Variants in HID1 observed in about 807,000 individuals in gnomAD.
The protein encoded by HID1 is HID1 domain containing.
HID1 carries 42 observed loss-of-function variants against 89.7 expected under a neutral mutation model. The ratio of observed to expected loss-of-function variants is 0.47; its 90% CI spans 0.37 to 0.61. HID1 has a LOEUF of 0.61. Among genes scored for constraint, HID1 ranks in the 20% least tolerant of loss-of-function variants. The pLI, the probability that HID1 is intolerant of heterozygous loss-of-function variation, is 0.00. For synonymous variants in HID1, 442 were observed against 433.8 expected (o/e 1.02, Z -0.24); for missense variants, 854 against 1,039.3 (o/e 0.82, Z 2.45).
Position 74,972,634 on chromosome 17 carries a change from A to G in HID1, c.23T>C (p.Leu8Pro), listed in dbSNP as rs1205830323. The change falls in exon 1 of 19, where the codon CTG becomes CCG. Residue 8 changes from leucine (L) to proline (P), a missense_variant. Coordinates refer to ENST00000425042, the MANE Select transcript of HID1 (RefSeq NM_030630.3). The surrounding 1 kb of genome is among the most constrained non-coding windows in gnomAD (Gnocchi z 6.4). MGSTDSK[L>P]NFRKAVIQLT... ...CTGGATCACCGCCTTCCGGAAGTTC[A>G]GCTTGGAGTCGGTCGACCCCATGTC... The G allele has an allele frequency of 3.6e-5, 55 of 1,548,338 alleles. No homozygotes were observed. Among genetic ancestry groups the G allele is most frequent in the Non-Finnish European group, 4.7e-5 (54 of 1,145,496 alleles).
Position 74,952,082 on chromosome 17 carries a change from C to G in HID1, c.2145-19G>C. The G allele has an allele frequency of 6.4e-7, 1 of 1,553,880 alleles. No homozygotes were observed. Among genetic ancestry groups the G allele is most frequent in the Non-Finnish European group, 8.7e-7 (1 of 1,149,024 alleles). On this transcript the variant is annotated intron_variant, in intron 17 of 18. Transcript: ENST00000425042. ...CAGGCCCCTGCGGGGAGAGGGGTAT[C>G]TCCAGCACACTCACGTGGTCCAGGG... is the stretch of plus-strand genomic sequence containing the variant.
chr17:74,958,692 G>C lies in HID1; in HGVS notation c.1221C>G (p.Asn407Lys). The C allele has an allele frequency of 6.3e-7, 1 of 1,594,286 alleles. No individual in the cohort carries two copies. Among genetic ancestry groups the C allele is most frequent in the Non-Finnish European group, 8.6e-7 (1 of 1,168,672 alleles). Residue 407 changes from asparagine to lysine, a missense_variant, in exon 10 of 19, where the codon AAC becomes AAG. Transcript: ENST00000425042. This position sits in a 1 kb window ranked among gnomAD's most constrained non-coding sequence, Gnocchi z 5.2. ...DILVPILFFL[N>K]DARADQSRVG... ...TCTTACACTGATCGGCCCGGGCATC[G>C]TTGAGGAAGAAGAGGATGGGGACAA... is the stretch of plus-strand genomic sequence containing the variant.
chr17:74,961,026 C>T (rs1441763529), intron 6 of HID1, among the ~76,000 whole-genome samples: 2 of 151,600 alleles, frequency 1.3e-5, no homozygotes, highest in Non-Finnish European at 2.9e-5. Flanking sequence ...GTATTTGTCA[C>T]ACACTCCCCG....
chr17:74,963,689 C>T (rs1240785982), intron 3 of HID1, 51 bp downstream of exon 3: 3 of 1,527,222 alleles, frequency 2.0e-6, no homozygotes, highest in Non-Finnish European at 2.7e-6. Flanking sequence ...AGGGCGCTCT[C>T]CCTGTGACGC....
In HID1 at chr17:74,955,837, A is replaced by G. The variant is rs759784137; in HGVS notation, c.1591T>C (p.Phe531Leu). 19 of 1,614,072 alleles carry G rather than the reference A, an allele frequency of 1.2e-5. No homozygotes were observed. Among genetic ancestry groups the G allele is most frequent in the Admixed American group, 1.7e-5 (1 of 60,010 alleles). The change falls in exon 13 of 19, where the codon TTC (phenylalanine) becomes CTC (leucine). Residue 531 changes from phenylalanine (F) to leucine (L), a missense_variant. By Grantham distance (22) the Phe-to-Leu change is conservative. Transcript: ENST00000425042. ...SAAQNHHLVF[F>L]LLEVFNNIIQ... is the part of the protein sequence containing the mutation. ...ATGTTGTTGAAGACCTCCAGGAGGA[A>G]GAAGACCAGGTGGTGGTTCTGGGCG... is the stretch of plus-strand genomic sequence containing the variant.
chr17:74,953,833 C>T (rs1357208540), intron 14 of HID1, among the ~76,000 whole-genome samples, 182 bp from the exon 15 acceptor site: 4 of 152,184 alleles, frequency 2.6e-5, no homozygotes, highest in African/African-American at 7.2e-5. Flanking sequence ...CCAGAGTCTA[C>T]ACTCGCCCTG....
rs758896111 is a variant in HID1, at chr17:74,962,617, T to C, written c.505-277A>G. 6.6e-6 allele frequency among the ~76,000 whole-genome samples: 1 copy of C among 152,158 alleles called. No individual in the cohort carries two copies. Among genetic ancestry groups the C allele is most frequent in the Non-Finnish European group, 1.5e-5 (1 of 68,014 alleles). ...GAGAAAGGGAGGGAGGGGCAGGGGATTGGGTGCCCCGGGTTTGGGGGTGGG... is the reference window on the plus strand; with the variant it reads ...GAGAAAGGGAGGGAGGGGCAGGGGACTGGGTGCCCCGGGTTTGGGGGTGGG... On this transcript the variant is annotated intron_variant, in intron 4 of 18. Coordinates refer to ENST00000425042, the MANE Select transcript of HID1 (RefSeq NM_030630.3). This position sits in a 1 kb window ranked among gnomAD's most constrained non-coding sequence, Gnocchi z 4.3.
In HID1 at chr17:74,961,932, T is replaced by TG. The variant is rs1408696571; in HGVS notation, c.668dup (p.Ala224SerfsTer37). 9 of 1,603,994 alleles carry TG rather than the reference T, an allele frequency of 5.6e-6. No homozygotes were observed. In the Admixed American group the frequency reaches 1.5e-4, roughly 28 times the overall value. On this transcript the variant is annotated frameshift_variant, in exon 6 of 19. Transcript: ENST00000425042. LOFTEE classifies it high-confidence loss of function. ...GGTTGGTGCTGCCACTTTCCGGAGCTGGGGGCAGGTACATGGCCTCGGAGA... is the reference window on the plus strand; with the variant it reads ...GGTTGGTGCTGCCACTTTCCGGAGCTGGGGGGCAGGTACATGGCCTCGGAGA...
rs949309802 is a variant in HID1 at position 74,972,720 on chromosome 17, C to G, written c.-64G>C. ...TCCAACCCGGCTCCGGCTTCAGCTCCGGCTCCAGCTCCGCGGCCCCCGCGG... is the reference window on the plus strand; with the variant it reads ...TCCAACCCGGCTCCGGCTTCAGCTCGGGCTCCAGCTCCGCGGCCCCCGCGG... On this transcript the variant is annotated 5_prime_UTR_variant, in exon 1 of 19. Transcript: ENST00000425042. This position sits in a 1 kb window ranked among gnomAD's most constrained non-coding sequence, Gnocchi z 6.4. 8.6e-5 allele frequency: 123 copies of G among 1,434,790 alleles called. No individual in the cohort carries two copies. Among genetic ancestry groups the G allele is most frequent in the Non-Finnish European group, 1.1e-4 (113 of 1,070,870 alleles). The allele number at this position is 1,434,790 out of a possible 1,614,324, so 88.9% of individuals were successfully genotyped here.
intron 14 of HID1, 23 bp from the exon 15 acceptor site, chr17:74,953,674 TGAGG>T: frequency 1.3e-6 from 2 of 1,586,568 alleles, no homozygotes; most frequent in Non-Finnish European, 1.7e-6. Flanking sequence ...CAGGTGGGAG[TGAGG>T]ACTCCCTGCC....
intron 1 of HID1, among the ~76,000 whole-genome samples, chr17:74,966,530 C>T (rs1173987384): frequency 6.6e-6 from 1 of 152,098 alleles, no homozygotes; most frequent in African/African-American, 2.4e-5. Context: ...CTGCTTTCTC[C>T]AACACAGCTT....
intron 12 of HID1, among the ~76,000 whole-genome samples, chr17:74,956,982 G>A (rs750297819): frequency 3.3e-5 from 5 of 152,232 alleles, no homozygotes; most frequent in Non-Finnish European, 5.9e-5. Flanking sequence ...TCAGCCACGT[G>A]TGGCCATTTC....
rs2039456894 is a variant in HID1 at position 74,960,141 on chromosome 17, G to A, written c.836C>T (p.Pro279Leu). 4.3e-6 allele frequency: 7 copies of A among 1,613,948 alleles called. No homozygotes were observed. Among genetic ancestry groups the A allele is most frequent in the Non-Finnish European group, 5.9e-6 (7 of 1,180,038 alleles). The change falls in exon 7 of 19, where the codon CCC becomes CTC. Residue 279 changes from proline (P) to leucine (L), a missense_variant. Pro to Leu is a moderately conservative substitution (Grantham distance 98, BLOSUM62 -3). Transcript: ENST00000425042. ...NHLLFSDYREPLVEEAAQVLI... is the reference protein window; with the variant it reads ...NHLLFSDYRELLVEEAAQVLI... Reference sequence around the variant, plus strand: ...CACCTGGGCAGCCTCCTCCACCAGGGGTTCCCGGTAGTCAGAGAAGAGCAG... The same window carrying A: ...CACCTGGGCAGCCTCCTCCACCAGGAGTTCCCGGTAGTCAGAGAAGAGCAG...
chr17:74,958,606 C>A lies in HID1; in HGVS notation c.1240+67G>T, dbSNP rs1201983513. ...AGGCCTGAGCTCCTGGGAGTCAGGG[C>A]AGATAGCCAGCCCTCCACCTCGCCG... On this transcript the variant is annotated intron_variant, in intron 10 of 18. Transcript: ENST00000425042. The surrounding 1 kb of genome is among the most constrained non-coding windows in gnomAD (Gnocchi z 5.2). 1 of 1,589,476 alleles carries A rather than the reference C, an allele frequency of 6.3e-7. No homozygotes were observed. The highest frequency in any genetic ancestry group is 1.3e-5 in the African/African-American group (1 of 74,372).
In HID1 at chr17:74,964,580, G is replaced by A; in HGVS notation, c.119C>T (p.Ala40Val). 5 of 1,612,298 alleles carry A rather than the reference G, an allele frequency of 3.1e-6. No individual in the cohort carries two copies. Among genetic ancestry groups the A allele is most frequent in the African/African-American group, 1.3e-5 (1 of 75,032 alleles). ...AFWDQFWADT[A>V]TSVQDVFALV... ...TGCAAACACATCCTGCACCGAGGTG[G>A]CTGTGTCTGCCCAGAACTGGTCCCA... The change falls in exon 2 of 19, where the codon GCC becomes GTC. Residue 40 changes from alanine (A) to valine (V), a missense_variant. Ala to Val is a moderately conservative substitution (Grantham distance 64). Coordinates refer to ENST00000425042, the MANE Select transcript of HID1 (RefSeq NM_030630.3).
rs142749536 is a variant in HID1, at chr17:74,951,756, C to T, written c.2304-123G>A. 629 of 1,331,326 alleles carry T rather than the reference C, an allele frequency of 4.7e-4. 3 individuals carry two copies. Among genetic ancestry groups the T allele is most frequent in the South Asian group, 2.2e-3 (158 of 71,968 alleles). The allele number at this position is 1,331,326 out of a possible 1,614,324, so 82.5% of individuals were successfully genotyped here. Reference sequence around the variant, plus strand: ...CATCCCGATGTCCCACCCTGGGCAGCGGGTGCCACCGTCAACCAGGCAAGG... The same window carrying T: ...CATCCCGATGTCCCACCCTGGGCAGTGGGTGCCACCGTCAACCAGGCAAGG... On this transcript the variant is annotated intron_variant, in intron 18 of 18. Coordinates refer to ENST00000425042, the MANE Select transcript of HID1 (RefSeq NM_030630.3).
Position 74,955,802 on chromosome 17 carries a change from G to A in HID1, c.1626C>T (p.Tyr542=). The A allele has an allele frequency of 3.7e-6, 6 of 1,614,100 alleles. No individual in the cohort carries two copies. Among genetic ancestry groups the A allele is most frequent in the Non-Finnish European group, 5.1e-6 (6 of 1,179,974 alleles). Residue 542 remains tyrosine (Y), a synonymous_variant, in exon 13 of 19, where the codon TAC becomes TAT. Coordinates refer to ENST00000425042, the MANE Select transcript of HID1 (RefSeq NM_030630.3). ...LLEVFNNIIQ[Y]QFDGNSNLVY... is the part of the protein sequence containing the mutation. The stretch of plus-strand genomic sequence containing the variant: ...AGGCTGGTGCCTCACCATCAAACTG[G>A]TACTGGATGATGTTGTTGAAGACCT...
At chr17:74,954,465 G>A (rs543311950) in intron 13 of HID1, 100 bp from the exon 14 acceptor site, 1 of 1,534,560 alleles carries the variant, frequency 6.5e-7, no homozygotes, top group African/African-American at 1.4e-5. Flanking sequence ...GAGGACAGGA[G>A]GGTGTCTGCC....
chr17:74,971,236 C>CCTCCCTGCCTCCCCACTCCT (rs2039642594), intron 1 of HID1, among the ~76,000 whole-genome samples: 1 of 152,210 alleles, frequency 6.6e-6, no homozygotes, highest in African/African-American at 2.4e-5. Flanking sequence ...AGCCTCCCTT[C>CCTCCCTGCCTCCCCACTCCT]CTCCCTGCCT....
Sources: gnomAD v4.1 joint callset for allele counts (sites outside exome capture counted in the v4.1 genomes callset) on GRCh38, gnomAD v4.1.1 for gene constraint, Gnocchi (gnomAD v3.1) non-coding constraint, MANE v1.5 for transcripts, NCBI Gene and HGNC (gene_info 2026-07-23, HGNC 2026-07-21) for gene names.